The following RFC3 variants were observed in gnomAD, a reference collection of about 807,000 sequenced individuals.
The protein encoded by RFC3 is replication factor C subunit 3, also known as A1 38 kDa subunit.
In RFC3, 41 loss-of-function variants were observed where a neutral mutation model predicts 45.1. The ratio of observed to expected loss-of-function variants is 0.91; its 90% CI spans 0.71 to 1.18. The LOEUF is 1.18. RFC3 is among the 50% of genes most tolerant of loss of function. The pLI, the probability that RFC3 is intolerant of heterozygous loss-of-function variation, is 0.00. For missense variants in RFC3, 423 were observed against 428.1 expected (o/e 0.99, Z 0.10); for synonymous variants, 149 against 144.0 (o/e 1.03, Z -0.25).
At chr13:33,896,388 A>G (rs1163832888) in intron 8 of RFC3, among the ~76,000 whole-genome samples, 2 of 152,036 alleles carry the variant, frequency 1.3e-5, no homozygotes, top group Non-Finnish European at 2.9e-5. Flanking sequence ...TAAACTCTCA[A>G]TGTTCAAAGG....
At chr13:33,819,166 A>ACAGGCGTGGGCCAC (rs1218649814) in intron 1 of RFC3, among the ~76,000 whole-genome samples, 1 of 152,196 alleles carries the variant, frequency 6.6e-6, no homozygotes, top group African/African-American at 2.4e-5. Context: ...TGCTGGGATT[A>ACAGGCGTGGGCCAC]CAGGCGTGGG....
At chr13:33,872,324 C>T (rs2082415417) in intron 8 of RFC3, among the ~76,000 whole-genome samples, 1 of 152,194 alleles carries the variant, frequency 6.6e-6, no homozygotes, top group Non-Finnish European at 1.5e-5. Context: ...AGTGTAAACT[C>T]ATCACTCTTG....
intron 8 of RFC3, chr13:33,849,857 A>G (rs1350209573): frequency 6.6e-6 from 1 of 152,078 alleles, no homozygotes; most frequent in Non-Finnish European, 1.5e-5. Context: ...AGCCTGGACT[A>G]CAGAGTAAGA....
chr13:33,824,192 T>C (rs978763298), intron 3 of RFC3, among the ~76,000 whole-genome samples: 2 of 152,172 alleles, frequency 1.3e-5, no homozygotes, highest in African/African-American at 4.8e-5. Context: ...ATTTCAACAA[T>C]GTATTTACCT....
At chr13:33,886,623 C>T (rs1156734321) in intron 8 of RFC3, among the ~76,000 whole-genome samples, 5 of 146,178 alleles carry the variant, frequency 3.4e-5, no homozygotes, top group Admixed American at 2.7e-4. Context: ...TGAAAGCATC[C>T]TTTTTTTTTT....
At chr13:33,926,021 T>C (rs550128541) in intron 8 of RFC3, among the ~76,000 whole-genome samples, 1 of 151,960 alleles carries the variant, frequency 6.6e-6, no homozygotes, top group East Asian at 1.9e-4. Context: ...TGGAATACTA[T>C]GCAGCCATAA....
intron 1 of RFC3, among the ~76,000 whole-genome samples, chr13:33,820,378 C>G (rs2081990635): frequency 2.0e-5 from 3 of 152,214 alleles, no homozygotes; most frequent in Admixed American, 1.3e-4. Flanking sequence ...TTCTTTTCCC[C>G]CATCCACTTT....
intron 8 of RFC3, among the ~76,000 whole-genome samples, chr13:33,853,156 G>A (rs1415540037): frequency 1.3e-5 from 2 of 152,216 alleles, no homozygotes; most frequent in South Asian, 2.1e-4. Flanking sequence ...GATCAAGGAG[G>A]GCTGTGAAGG....
At chr13:33,937,094 C>T (rs2082891412) in intron 8 of RFC3, among the ~76,000 whole-genome samples, 1 of 152,150 alleles carries the variant, frequency 6.6e-6, no homozygotes, top group Admixed American at 6.6e-5. Flanking sequence ...TAAATACAGT[C>T]ATGTACCATG....
chr13:33,871,893 G>C (rs2082412494), intron 8 of RFC3, among the ~76,000 whole-genome samples: 1 of 152,086 alleles, frequency 6.6e-6, no homozygotes, highest in Admixed American at 6.5e-5. Flanking sequence ...TTAAGATTTT[G>C]GTTCAGTTAG....
chr13:33,968,242 C>G (rs1216794739), downstream of RFC3, among the ~76,000 whole-genome samples: 2 of 152,212 alleles, frequency 1.3e-5, no homozygotes, highest in Admixed American at 1.3e-4. Flanking sequence ...ATTCTCCTGT[C>G]TCAGCCTCCC....
At chr13:33,887,678 G>T (rs1236745804) in intron 8 of RFC3, among the ~76,000 whole-genome samples, 1 of 152,136 alleles carries the variant, frequency 6.6e-6, no homozygotes, top group Non-Finnish European at 1.5e-5. Flanking sequence ...ATTGCTTTTG[G>T]TGTTTTAGAC....
At chr13:33,872,727 AC>A (rs769027808) in intron 8 of RFC3, among the ~76,000 whole-genome samples, 4 of 150,618 alleles carry the variant, frequency 2.7e-5, no homozygotes, top group Non-Finnish European at 5.9e-5. Context: ...GAGTGAAACT[AC>A]CTCTCAATAA....
chr13:33,829,592 A>G (rs2082082271), intron 4 of RFC3: 2 of 498,120 alleles, frequency 4.0e-6, no homozygotes, highest in Non-Finnish European at 7.1e-6. Context: ...GTTCCTCTCT[A>G]TAGAAGTCTT....
intron 8 of RFC3, chr13:33,848,667 C>G (rs1166945115): frequency 6.6e-6 from 1 of 152,024 alleles, no homozygotes; most frequent in Non-Finnish European, 1.5e-5. Context: ...GCTTTCATCT[C>G]TCCCTGTATT....
chr13:33,895,488 A>G (rs2082591958), intron 8 of RFC3, among the ~76,000 whole-genome samples: 1 of 152,230 alleles, frequency 6.6e-6, no homozygotes, highest in Non-Finnish European at 1.5e-5. Flanking sequence ...TCAAAAAACA[A>G]TAGATGTTGG....
intron 8 of RFC3, among the ~76,000 whole-genome samples, chr13:33,856,849 G>A (rs1400762456): frequency 6.6e-6 from 1 of 152,118 alleles, no homozygotes; most frequent in Non-Finnish European, 1.5e-5. Flanking sequence ...GAGAGACTGG[G>A]CATTGAATTA....
chr13:33,871,500 G>A (rs558597893), intron 8 of RFC3, among the ~76,000 whole-genome samples: 8 of 152,164 alleles, frequency 5.3e-5, no homozygotes, highest in Non-Finnish European at 1.2e-4. Context: ...CTACCCTTGT[G>A]ATGACATTGG....
rs115097767 is a variant in RFC3 at position 33,902,611 on chromosome 13, C to T, written c.880-63476C>T. Among the ~76,000 whole-genome samples, 258 of 152,136 alleles carry T rather than the reference C, an allele frequency of 1.7e-3. 1 individual carries two copies. The highest frequency in any genetic ancestry group is 6.0e-3 in the African/African-American group (249 of 41,536). The stretch of plus-strand genomic sequence containing the variant: ...TAGTTGCATATAATGTTAAGCCTAT[C>T]AGTTATACTTCCCAAGTTTACCCCT... On this transcript the variant is annotated intron_variant, in intron 8 of 8. Transcript: ENST00000434425.
Sources: allele counts gnomAD v4.1 joint callset (sites outside exome capture counted in the v4.1 genomes callset), GRCh38; gene constraint gnomAD v4.1.1; transcripts MANE v1.5; gene names NCBI Gene and HGNC (gene_info 2026-07-23, HGNC 2026-07-21).